The following EBF3 variants were observed in gnomAD, a reference collection of about 807,000 sequenced individuals.
EBF3 encodes transcription factor COE3.
EBF3 carries 18 observed loss-of-function variants against 77.1 expected under a neutral mutation model. The observed-to-expected ratio is 0.23, with a 90% CI of 0.16 to 0.35. EBF3 has a LOEUF of 0.35. Ranked by LOEUF, EBF3 falls within the 10% of genes least tolerant of loss-of-function variation. The probability of loss-of-function intolerance (pLI) is 1.00; values close to 1 mark genes in which losing one functional copy is unlikely to be tolerated. For missense variants in EBF3, 558 were observed against 860.0 expected (o/e 0.65, Z 4.39); for synonymous variants, 350 against 343.5 (o/e 1.02, Z -0.21).
At chr10:129,902,434 C>T (rs1233512584) in intron 6 of EBF3, among the ~76,000 whole-genome samples, 1 of 151,896 alleles carries the variant, frequency 6.6e-6, no homozygotes, top group Non-Finnish European at 1.5e-5. Context: ...AATCCATGGC[C>T]ACTGGGGTTC....
In EBF3 at chr10:129,947,113, G is replaced by A. The variant is rs891619905; in HGVS notation, c.554+10145C>T. 2.0e-5 allele frequency among the ~76,000 whole-genome samples: 3 copies of A among 152,138 alleles called. No homozygotes were observed. The highest frequency in any genetic ancestry group is 2.9e-5 in the Non-Finnish European group (2 of 68,026). ...CCCAATCTTCCTCGTGTCAGGGGAC[G>A]AGCCGCTTCATTGAGAAAATGGAAA... On this transcript the variant is annotated intron_variant, in intron 6 of 16. Transcript: ENST00000440978. This position sits in a 1 kb window ranked among gnomAD's most constrained non-coding sequence, Gnocchi z 4.5.
chr10:129,942,509 T>C (rs1857835367), intron 6 of EBF3, among the ~76,000 whole-genome samples: 1 of 152,194 alleles, frequency 6.6e-6, no homozygotes, highest in African/African-American at 2.4e-5. Context: ...TCCCACACGC[T>C]GTAGGGACAG....
chr10:129,862,830 T>A (rs538061066), intron 10 of EBF3, among the ~76,000 whole-genome samples: 18 of 152,362 alleles, frequency 1.2e-4, no homozygotes, highest in Admixed American at 2.6e-4. Context: ...TAATTTCTTT[T>A]ATTACTCTTA....
chr10:129,954,743 G>A (rs1858919186), intron 6 of EBF3, among the ~76,000 whole-genome samples: 1 of 152,156 alleles, frequency 6.6e-6, no homozygotes, highest in African/African-American at 2.4e-5. Context: ...GCCACAAGGA[G>A]CCGGCAAAGC....
At chr10:129,851,222 A>G (rs778146173) in intron 10 of EBF3, among the ~76,000 whole-genome samples, 10 of 152,156 alleles carry the variant, frequency 6.6e-5, no homozygotes, top group Non-Finnish European at 1.0e-4. Context: ...CTTCTTCCCA[A>G]TTTTGCTTAC....
chr10:129,932,356 G>A (rs957828968), intron 6 of EBF3, among the ~76,000 whole-genome samples: 3 of 152,180 alleles, frequency 2.0e-5, no homozygotes, highest in East Asian at 1.9e-4. Context: ...GCAACAAGGC[G>A]ACAAGGGCCA....
intron 6 of EBF3, among the ~76,000 whole-genome samples, chr10:129,890,770 TACA>T (rs1853967720): frequency 1.3e-5 from 2 of 152,240 alleles, no homozygotes; most frequent in South Asian, 4.1e-4. Context: ...ATTGCAATTT[TACA>T]ACTTCATGCT....
intron 7 of EBF3, among the ~76,000 whole-genome samples, chr10:129,875,269 T>A (rs947891379): frequency 7.2e-5 from 10 of 138,910 alleles, no homozygotes; most frequent in Non-Finnish European, 1.1e-4. Context: ...CGATCTCAGC[T>A]CACCCCAACC....
chr10:129,869,604 C>T (rs184572002), intron 8 of EBF3, among the ~76,000 whole-genome samples: 11 of 152,316 alleles, frequency 7.2e-5, no homozygotes, highest in Non-Finnish European at 1.0e-4. Flanking sequence ...GCCCGCGTGC[C>T]GTGGTTTCCC....
At chr10:129,940,212 G>A (rs1315457934) in intron 6 of EBF3, among the ~76,000 whole-genome samples, 1 of 152,282 alleles carries the variant, frequency 6.6e-6, no homozygotes, top group Non-Finnish European at 1.5e-5. Context: ...TGTAGGTCAG[G>A]AGCAGCCTTC....
chr10:129,914,666 G>A (rs558079501), intron 6 of EBF3, among the ~76,000 whole-genome samples: 147 of 152,270 alleles, frequency 9.7e-4, no homozygotes, highest in South Asian at 2.3e-3. Flanking sequence ...CTGTGCGGCC[G>A]GTCCATCTGA....
At chr10:129,846,904 G>A (rs182137233) in intron 11 of EBF3, among the ~76,000 whole-genome samples, 3 of 152,146 alleles carry the variant, frequency 2.0e-5, no homozygotes, top group Admixed American at 6.5e-5. Flanking sequence ...AACTGAGAAA[G>A]TCTTCTGTCC....
intron 6 of EBF3, among the ~76,000 whole-genome samples, 170 bp from the exon 7 acceptor site, chr10:129,878,019 C>T (rs1034417510): frequency 2.0e-5 from 3 of 152,132 alleles, no homozygotes; most frequent in Non-Finnish European, 4.4e-5. Flanking sequence ...GGCGAGGAGG[C>T]ACCCAGAAAT....
intron 6 of EBF3, among the ~76,000 whole-genome samples, chr10:129,922,580 G>T (rs1856384709): frequency 6.6e-6 from 1 of 152,238 alleles, no homozygotes; most frequent in Non-Finnish European, 1.5e-5. Flanking sequence ...GGACAGAAAG[G>T]CGTGCACCAC....
intron 6 of EBF3, among the ~76,000 whole-genome samples, chr10:129,932,895 CTT>C (rs35568967): frequency 6.3e-5 from 8 of 126,398 alleles, no homozygotes; most frequent in Non-Finnish European, 1.3e-4. Context: ...CTTTTTTTTC[CTT>C]TTTTTTTTTT....
At position 129,935,535 on chromosome 10, in the gene EBF3, G is replaced by A. The variant is rs1044289366; in HGVS notation, c.554+21723C>T. Among the ~76,000 whole-genome samples, 8 of 152,292 alleles carry A rather than the reference G, an allele frequency of 5.3e-5. No individual in the cohort carries two copies. The East Asian group carries it at 9.7e-4, about 18-fold the overall frequency. On this transcript the variant is annotated intron_variant, in intron 6 of 16. Coordinates refer to ENST00000440978, the MANE Select transcript of EBF3 (RefSeq NM_001375380.1). The surrounding 1 kb of genome is among the most constrained non-coding windows in gnomAD (Gnocchi z 4.2). ...AGCCTCCCAACTCAGCGCCAACTGC[G>A]GAGCACCAAGCACCCATATGTAAGG...
At chr10:129,901,681 T>C (rs1236549124) in intron 6 of EBF3, among the ~76,000 whole-genome samples, 1 of 152,228 alleles carries the variant, frequency 6.6e-6, no homozygotes, top group East Asian at 1.9e-4. Flanking sequence ...AGAGTAGCCT[T>C]AGGCAGTACT....
Position 129,852,349 on chromosome 10 carries a change from C to T in EBF3, c.1040-3869G>A, listed in dbSNP as rs141894368. ...CACACCGCACTTGATACAATGTTAA[C>T]GGTCTGTGATGTCAGTTCAACTTGG... On this transcript the variant is annotated intron_variant, in intron 10 of 16. Coordinates refer to ENST00000440978, the MANE Select transcript of EBF3 (RefSeq NM_001375380.1). Among the ~76,000 whole-genome samples, 68 of 152,278 alleles carry T rather than the reference C, an allele frequency of 4.5e-4. No individual in the cohort carries two copies. The East Asian group carries it at 8.1e-3, about 18-fold the overall frequency.
chr10:129,844,908 C>T (rs905279109), intron 11 of EBF3, among the ~76,000 whole-genome samples: 7 of 152,146 alleles, frequency 4.6e-5, no homozygotes, highest in Non-Finnish European at 1.0e-4. Flanking sequence ...ATAATCTCTC[C>T]TATCATATCG....
Sources: allele counts gnomAD v4.1 joint callset (sites outside exome capture counted in the v4.1 genomes callset), GRCh38; gene constraint gnomAD v4.1.1; non-coding constraint Gnocchi (gnomAD v3.1); transcripts MANE v1.5; gene names NCBI Gene and HGNC (gene_info 2026-07-23, HGNC 2026-07-21).